The following GRIN2B variants were observed in gnomAD, a reference collection of about 807,000 sequenced individuals.
GRIN2B encodes glutamate ionotropic receptor NMDA type subunit 2B.
A neutral mutation model predicts 114.5 loss-of-function variants in GRIN2B; 5 were observed. That is an observed-to-expected ratio of 0.04 (90% CI 0.02 to 0.09). GRIN2B has a LOEUF of 0.09. Ranked by LOEUF, GRIN2B falls within the 10% of genes least tolerant of loss-of-function variation. GRIN2B has a pLI of 1.00. For missense variants in GRIN2B, 1,108 were observed against 1,943.5 expected, an observed-to-expected ratio of 0.57 and a Z score of 8.08; for synonymous variants, 787 against 745.1, an observed-to-expected ratio of 1.06 and a Z score of -0.92.
chr12:13,743,078 CAT>C (rs1555130828), intron 4 of GRIN2B, among the ~76,000 whole-genome samples: 3 of 152,182 alleles, frequency 2.0e-5, no homozygotes, highest in Non-Finnish European at 4.4e-5. Flanking sequence ...ACTATGCTCA[CAT>C]ATCTCATTTA....
intron 3 of GRIN2B, among the ~76,000 whole-genome samples, chr12:13,763,120 TAAA>T (rs372655612): frequency 6.9e-6 from 1 of 145,078 alleles, no homozygotes; most frequent in African/African-American, 2.5e-5. Flanking sequence ...AGAGACAGAT[TAAA>T]AAAAAAAAAA....
At chr12:13,900,736 G>C (rs1294206090) in intron 2 of GRIN2B, among the ~76,000 whole-genome samples, 1 of 152,058 alleles carries the variant, frequency 6.6e-6, no homozygotes, top group East Asian at 1.9e-4. Flanking sequence ...AGTATGTTCA[G>C]TTGTTTGTTT....
chr12:13,961,151 T>A (rs765368445), intron 2 of GRIN2B, among the ~76,000 whole-genome samples: 5 of 150,684 alleles, frequency 3.3e-5, no homozygotes, highest in Non-Finnish European at 5.9e-5. Context: ...TGCCTGCAAG[T>A]GGGTGGGTCA....
intron 4 of GRIN2B, among the ~76,000 whole-genome samples, chr12:13,696,527 A>T (rs1417618234): frequency 2.6e-5 from 4 of 152,162 alleles, no homozygotes; most frequent in African/African-American, 9.6e-5. Flanking sequence ...AGGAATAAAA[A>T]AGTTGCTAGA....
At chr12:13,867,722 G>C (rs906856987) in intron 2 of GRIN2B, among the ~76,000 whole-genome samples, 3 of 151,998 alleles carry the variant, frequency 2.0e-5, no homozygotes, top group Non-Finnish European at 2.9e-5. Context: ...AATTATCCAA[G>C]GTCAATGGCA....
chr12:13,749,063 A>C (rs569234839), intron 4 of GRIN2B, among the ~76,000 whole-genome samples: 2 of 152,236 alleles, frequency 1.3e-5, no homozygotes, highest in African/African-American at 4.8e-5. Context: ...TCAAGGAGTT[A>C]AGAAGTTATC....
chr12:13,677,435 C>T (rs1237712267), intron 4 of GRIN2B, among the ~76,000 whole-genome samples: 1 of 152,158 alleles, frequency 6.6e-6, no homozygotes, highest in Non-Finnish European at 1.5e-5. Flanking sequence ...GATCACTTCT[C>T]ATTTCCAGAA....
At chr12:13,921,316 T>C (rs1044448758) in intron 2 of GRIN2B, among the ~76,000 whole-genome samples, 2 of 152,118 alleles carry the variant, frequency 1.3e-5, no homozygotes, top group African/African-American at 4.8e-5. Flanking sequence ...GAGAATCGCT[T>C]GAACCCGGGA....
chr12:13,564,401 C>T lies in GRIN2B; in HGVS notation c.2837G>A (p.Cys946Tyr). ...EHRRSFTHSD[C>Y]KSYNNPPCEE... ...ACAGGGCGGGTTGTTGTAGGATTTG[C>T]AGTCAGAATGCGTGAAGCTGCGGCG... Residue 946 changes from cysteine (C) to tyrosine (Y), a missense_variant, in exon 14 of 14, where the codon TGC (cysteine) becomes TAC (tyrosine). Transcript: ENST00000609686. The surrounding 1 kb of genome is among the most constrained non-coding windows in gnomAD (Gnocchi z 4.8). The T allele has an allele frequency of 6.2e-7, 1 of 1,614,230 alleles. No individual in the cohort carries two copies. Among genetic ancestry groups the T allele is most frequent in the Non-Finnish European group, 8.5e-7 (1 of 1,180,052 alleles).
intron 5 of GRIN2B, among the ~76,000 whole-genome samples, chr12:13,624,145 T>C (rs142600303): frequency 1.1e-3 from 171 of 152,364 alleles, no homozygotes; most frequent in African/African-American, 4.0e-3. Flanking sequence ...TTGGCTATCA[T>C]ATTAAAATGT....
chr12:13,838,264 C>A (rs1428118026), intron 3 of GRIN2B, among the ~76,000 whole-genome samples: 1 of 152,112 alleles, frequency 6.6e-6, no homozygotes, highest in Non-Finnish European at 1.5e-5. Flanking sequence ...AGCCTCGGCC[C>A]AAAGCACCTG....
chr12:13,728,042 C>G (rs760540748), intron 4 of GRIN2B, among the ~76,000 whole-genome samples: 6 of 152,158 alleles, frequency 3.9e-5, no homozygotes, highest in Non-Finnish European at 7.3e-5. Context: ...TTTTCCCAGC[C>G]ACCTCCATTG....
intron 5 of GRIN2B, among the ~76,000 whole-genome samples, chr12:13,621,173 T>G (rs1469498046): frequency 1.3e-5 from 2 of 152,074 alleles, no homozygotes; most frequent in Non-Finnish European, 2.9e-5. Context: ...GTGAAAAATA[T>G]AAATGGAAAA....
intron 3 of GRIN2B, among the ~76,000 whole-genome samples, chr12:13,764,513 C>A (rs565359458): frequency 6.6e-6 from 1 of 152,320 alleles, no homozygotes; most frequent in South Asian, 2.1e-4. Context: ...AGCTGAAATG[C>A]TGTTGCTATC....
intron 4 of GRIN2B, among the ~76,000 whole-genome samples, chr12:13,697,580 C>T (rs1373968312): frequency 6.6e-6 from 1 of 152,174 alleles, no homozygotes; most frequent in Non-Finnish European, 1.5e-5. Context: ...GGAGCCTCAG[C>T]AAAGAGGCTC....
intron 3 of GRIN2B, among the ~76,000 whole-genome samples, chr12:13,835,771 TAAAAAAAAA>T (rs1165005583): frequency 2.2e-5 from 2 of 91,492 alleles, no homozygotes; most frequent in East Asian, 3.2e-4. Flanking sequence ...CATAGCACAT[TAAAAAAAAA>T]AAAAAAAAAA....
intron 4 of GRIN2B, among the ~76,000 whole-genome samples, chr12:13,688,749 A>T (rs1741814308): frequency 6.6e-6 from 1 of 152,234 alleles, no homozygotes; most frequent in Admixed American, 6.5e-5. Context: ...GCTTTGGCAC[A>T]GAATATCCAA....
At chr12:13,790,091 C>A (rs900941065) in intron 3 of GRIN2B, among the ~76,000 whole-genome samples, 2 of 152,238 alleles carry the variant, frequency 1.3e-5, no homozygotes, top group African/African-American at 4.8e-5. Context: ...TCCCATGGAA[C>A]TGAGGGATGC....
chr12:13,840,009 C>T (rs956054120), intron 3 of GRIN2B, among the ~76,000 whole-genome samples: 3 of 152,160 alleles, frequency 2.0e-5, no homozygotes, highest in East Asian at 1.9e-4. Context: ...TAATGTTTCT[C>T]CCCACCTAGC....
Sources: allele counts gnomAD v4.1 joint callset (sites outside exome capture counted in the v4.1 genomes callset), GRCh38; gene constraint gnomAD v4.1.1; non-coding constraint Gnocchi (gnomAD v3.1); transcripts MANE v1.5; gene names NCBI Gene and HGNC (gene_info 2026-07-23, HGNC 2026-07-21).